DENND1A: variants seen among roughly 807,000 people sequenced by gnomAD.
DENND1A encodes the protein DENN domain containing 1A, also known as DENN domain-containing protein 1A.
Under a neutral mutation model 113.7 loss-of-function variants are expected in DENND1A, and 51 were observed. The observed-to-expected ratio is 0.45, with a 90% CI of 0.36 to 0.57. The LOEUF is 0.57. Among genes scored for constraint, DENND1A ranks in the 20% least tolerant of loss-of-function variants. The pLI, the probability that DENND1A is intolerant of heterozygous loss-of-function variation, is 0.00. For synonymous variants in DENND1A, 565 were observed against 570.8 expected, an observed-to-expected ratio of 0.99 and a Z score of 0.14; for missense variants, 1,258 against 1,395.9, an observed-to-expected ratio of 0.90 and a Z score of 1.57.
intron 4 of DENND1A, among the ~76,000 whole-genome samples, chr9:123,768,099 G>A (rs926147052): frequency 5.9e-5 from 9 of 152,174 alleles, no homozygotes; most frequent in East Asian, 1.9e-4. Flanking sequence ...GAGACAAGAC[G>A]ACTCCCATTA....
intron 21 of DENND1A, chr9:123,401,511 G>C: frequency 7.9e-7 from 1 of 1,260,556 alleles, no homozygotes; most frequent in Non-Finnish European, 1.0e-6. Context: ...TTGTGGGCCC[G>C]AGCCACTGTG....
intron 5 of DENND1A, among the ~76,000 whole-genome samples, chr9:123,739,496 T>C (rs920686568): frequency 3.9e-5 from 6 of 152,146 alleles, no homozygotes; most frequent in African/African-American, 1.4e-4. Flanking sequence ...CTGGGAGTGA[T>C]GAATTGAGAA....
chr9:123,770,177 T>C (rs942187182), intron 3 of DENND1A, among the ~76,000 whole-genome samples: 9 of 152,232 alleles, frequency 5.9e-5, no homozygotes, highest in Admixed American at 1.3e-4. Flanking sequence ...CAGTTTTAAG[T>C]ATATACTATT....
At chr9:123,708,188 C>G (rs1016635115) in intron 5 of DENND1A, among the ~76,000 whole-genome samples, 1 of 152,008 alleles carries the variant, frequency 6.6e-6, no homozygotes, top group Non-Finnish European at 1.5e-5. Flanking sequence ...TGTGGTCCAC[C>G]AACAGGAGTG....
intron 1 of DENND1A, among the ~76,000 whole-genome samples, chr9:123,925,425 G>A (rs1046565394): frequency 2.6e-5 from 4 of 151,930 alleles, no homozygotes; most frequent in African/African-American, 7.3e-5. Flanking sequence ...CGTCACCAGC[G>A]GCATCTCCAC....
At chr9:123,532,004 C>T (rs1404535485) in intron 13 of DENND1A, among the ~76,000 whole-genome samples, 2 of 152,042 alleles carry the variant, frequency 1.3e-5, no homozygotes, top group African/African-American at 2.4e-5. Flanking sequence ...TTGGCAAATA[C>T]CTGAAGGGTG....
chr9:123,421,712 C>A (rs2045321953), intron 19 of DENND1A, among the ~76,000 whole-genome samples: 1 of 152,184 alleles, frequency 6.6e-6, no homozygotes, highest in Non-Finnish European at 1.5e-5. Context: ...GAAGAATTCT[C>A]CTCATTTTGC....
intron 19 of DENND1A, chr9:123,413,399 T>C (rs2044468055): frequency 1.0e-6 from 1 of 983,774 alleles, no homozygotes; most frequent in African/African-American, 1.7e-5. Flanking sequence ...GAAGCTCCCA[T>C]TATGTTTTTC....
chr9:123,782,075 A>T (rs551038156), intron 3 of DENND1A, among the ~76,000 whole-genome samples: 109 of 152,282 alleles, frequency 7.2e-4, no homozygotes, highest in Admixed American at 2.1e-3. Flanking sequence ...GTCTAAAAAA[A>T]AATAATAATA....
chr9:123,928,843 C>A (rs1341667497), intron 1 of DENND1A: 1 of 985,324 alleles, frequency 1.0e-6, no homozygotes, highest in Non-Finnish European at 1.2e-6. Flanking sequence ...ACACATTCCA[C>A]AAACTTTCTT....
At chr9:123,622,443 G>A (rs2061008699) in intron 10 of DENND1A, among the ~76,000 whole-genome samples, 1 of 152,080 alleles carries the variant, frequency 6.6e-6, no homozygotes, top group Admixed American at 6.5e-5. Flanking sequence ...CATAGTGCCT[G>A]GTACATAATA....
At chr9:123,461,030 C>T (rs558436919) in intron 13 of DENND1A, among the ~76,000 whole-genome samples, 13 of 152,316 alleles carry the variant, frequency 8.5e-5, no homozygotes, top group African/African-American at 3.1e-4. Flanking sequence ...CAAAGCTGAC[C>T]CTGGCTTCCT....
chr9:123,920,263 C>T (rs1438059631), intron 1 of DENND1A, among the ~76,000 whole-genome samples: 4 of 152,052 alleles, frequency 2.6e-5, no homozygotes, highest in Admixed American at 6.6e-5. Context: ...AAATCCGTCT[C>T]TACTAAAAGT....
At chr9:123,845,682 A>G (rs1842507605) in intron 2 of DENND1A, among the ~76,000 whole-genome samples, 2 of 150,222 alleles carry the variant, frequency 1.3e-5, no homozygotes, top group Non-Finnish European at 3.0e-5. Flanking sequence ...AAAAAAAAAA[A>G]AAAAAAAAAA....
At chr9:123,393,940 C>G (rs1261411610) in intron 21 of DENND1A, among the ~76,000 whole-genome samples, 1 of 151,836 alleles carries the variant, frequency 6.6e-6, no homozygotes, top group Admixed American at 6.6e-5. Flanking sequence ...TGGGGGCGTG[C>G]CTGGCTCAAG....
At chr9:123,467,333 A>G (rs1187811377) in intron 13 of DENND1A, among the ~76,000 whole-genome samples, 1 of 152,106 alleles carries the variant, frequency 6.6e-6, no homozygotes, top group East Asian at 1.9e-4. Context: ...TCCTTTGCCA[A>G]TGTCCTTACT....
chr9:123,823,623 A>G (rs909440405), intron 2 of DENND1A, among the ~76,000 whole-genome samples: 1 of 152,238 alleles, frequency 6.6e-6, no homozygotes. Context: ...TCTTCCAAAC[A>G]TAACTCTAGC....
Position 123,397,429 on chromosome 9 carries a change from C to A in DENND1A, c.1631+5973G>T, listed in dbSNP as rs528403926. Among the ~76,000 whole-genome samples the A allele has an allele frequency of 2.0e-5, 3 of 152,296 alleles. 1 individual carries two copies. In the South Asian group the frequency reaches 6.2e-4, roughly 32 times the overall value. ...CTTGGCCTCCCAAAGTACTGGGATA[C>A]AAGCATGAGCCACCGTGCCCAGCCT... On this transcript the variant is annotated intron_variant, in intron 21 of 23. Transcript: ENST00000394215.
At chr9:123,725,087 T>C (rs2067605293) in intron 5 of DENND1A, among the ~76,000 whole-genome samples, 1 of 152,220 alleles carries the variant, frequency 6.6e-6, no homozygotes, top group Admixed American at 6.5e-5. Context: ...ATCTCTGCAA[T>C]TGTAACGCCA....
Sources: gnomAD v4.1 joint callset for allele counts (sites outside exome capture counted in the v4.1 genomes callset) on GRCh38, gnomAD v4.1.1 for gene constraint, MANE v1.5 for transcripts, NCBI Gene and HGNC (gene_info 2026-07-23, HGNC 2026-07-21) for gene names.